SART1: variants seen among roughly 807,000 people sequenced by gnomAD.
The protein encoded by SART1 is U4/U6.U5 tri-snRNP-associated protein 1.
Under a neutral mutation model 105.0 loss-of-function variants are expected in SART1, and 28 were observed. The observed-to-expected ratio is 0.27, with a 90% CI of 0.20 to 0.37. The LOEUF (loss-of-function observed/expected upper bound fraction) is 0.37. SART1 is among the 10% of genes least tolerant of loss of function. SART1 has a pLI of 1.00. For missense variants in SART1, 894 were observed against 1,106.5 expected, an observed-to-expected ratio of 0.81 and a Z score of 2.72; for synonymous variants, 472 against 462.9, an observed-to-expected ratio of 1.02 and a Z score of -0.25.
chr11:65,966,541 C>T lies in SART1; in HGVS notation c.1173C>T (p.Leu391=). The T allele has an allele frequency of 6.5e-7, 1 of 1,545,272 alleles. No homozygotes were observed. The highest frequency in any genetic ancestry group is 1.3e-5 in the South Asian group (1 of 79,668). ...GGCCCCGGCTGGCCTCCGAATACCTCACGCCTGAGGAGATGGTGAGCCCTC... is the reference window on the plus strand; with the variant it reads ...GGCCCCGGCTGGCCTCCGAATACCTTACGCCTGAGGAGATGGTGAGCCCTC... ...TVGPRLASEY[L]TPEEMVTFKK... The change falls in exon 9 of 20, where the codon CTC becomes CTT. Residue 391 remains leucine, a synonymous_variant. Coordinates refer to ENST00000312397, the MANE Select transcript of SART1 (RefSeq NM_005146.5).
rs773465969 is a variant in SART1, at chr11:65,977,773, T to C, written c.2046T>C (p.Asp682=). 25 of 1,613,848 alleles carry C rather than the reference T, an allele frequency of 1.5e-5. No individual in the cohort carries two copies. The highest frequency in any genetic ancestry group is 2.0e-5 in the Non-Finnish European group (24 of 1,179,982). The part of the protein sequence containing the change: ...VYCIEDKMAI[D]DKYSRREEYR... The stretch of plus-strand genomic sequence containing the variant: ...CTCTGTCTCGGGCCAGGGCCATCGA[T>C]GACAAGTACAGCCGGAGGGAGGAAT... Residue 682 remains aspartate (D), a synonymous_variant, in exon 17 of 20, where the codon GAT becomes GAC. Transcript: ENST00000312397.
chr11:65,967,945 GTTTGT>G (rs1384278963), intron 12 of SART1, 124 bp downstream of exon 12: 5 of 763,700 alleles, frequency 6.5e-6, no homozygotes, highest in East Asian at 3.4e-5. Context: ...TGTTTTCTGG[GTTTGT>G]TTTTTTTTTT....
intron 15 of SART1, among the ~76,000 whole-genome samples, chr11:65,977,302 G>A (rs1200215735): frequency 6.6e-6 from 1 of 152,210 alleles, no homozygotes; most frequent in Non-Finnish European, 1.5e-5. Context: ...CCTGCTTGGG[G>A]AAGGAGAGGG....
intron 12 of SART1, among the ~76,000 whole-genome samples, chr11:65,972,675 G>A (rs1565316266): frequency 6.6e-6 from 1 of 151,916 alleles, no homozygotes; most frequent in African/African-American, 2.4e-5. Flanking sequence ...GCTAAGGCAG[G>A]AGGATTGCTT....
At chr11:65,974,799 G>A (rs1855450213) in intron 12 of SART1, among the ~76,000 whole-genome samples, 1 of 152,128 alleles carries the variant, frequency 6.6e-6, no homozygotes, top group Non-Finnish European at 1.5e-5. Flanking sequence ...ACTTTGGGAG[G>A]CCAAGGCAGG....
Position 65,962,654 on chromosome 11 carries a change from G to A in SART1, c.313+561G>A, listed in dbSNP as rs59415516. ...GTAGGGAGCCATGGATGTGAGTTGAGGAGTGAGTTGCTCAGATCCGTATTT... is the reference window on the plus strand; with the variant it reads ...GTAGGGAGCCATGGATGTGAGTTGAAGAGTGAGTTGCTCAGATCCGTATTT... On this transcript the variant is annotated intron_variant, in intron 1 of 19. Transcript: ENST00000312397. 2.8e-3 allele frequency among the ~76,000 whole-genome samples: 430 copies of A among 152,314 alleles called. 2 individuals are homozygous for A. The highest frequency in any genetic ancestry group is 9.4e-3 in the African/African-American group (391 of 41,562).
At chr11:65,972,583 C>A (rs865817584) in intron 12 of SART1, among the ~76,000 whole-genome samples, 1 of 152,072 alleles carries the variant, frequency 6.6e-6, no homozygotes, top group Non-Finnish European at 1.5e-5. Context: ...AGACCACCCC[C>A]CCTACCAACC....
At position 65,978,922 on chromosome 11, in the gene SART1, G is replaced by A. The variant is rs754194384; in HGVS notation, c.2384+8G>A. On this transcript the variant is annotated splice_region_variant and intron_variant, in intron 19 of 19. Coordinates refer to ENST00000312397, the MANE Select transcript of SART1 (RefSeq NM_005146.5). This position sits in a 1 kb window ranked among gnomAD's most constrained non-coding sequence, Gnocchi z 6.8. Reference sequence around the variant, plus strand: ...CGGCAAGAGCATGAACGCGTGAGTGGCTCGAGGCTGGTGGGGTAGGGTGTG... The same window carrying A: ...CGGCAAGAGCATGAACGCGTGAGTGACTCGAGGCTGGTGGGGTAGGGTGTG... The A allele has an allele frequency of 3.1e-6, 5 of 1,613,940 alleles. No individual in the cohort carries two copies. The highest frequency in any genetic ancestry group is 4.2e-6 in the Non-Finnish European group (5 of 1,179,972).
chr11:65,964,013 C>G (rs1428612382), intron 1 of SART1, 61 bp from the exon 2 acceptor site: 1 of 1,518,648 alleles, frequency 6.6e-7, no homozygotes. Flanking sequence ...CAGCTGGAGC[C>G]AACGATGCTG....
intron 12 of SART1, 44 bp downstream of exon 12, chr11:65,967,865 G>A: frequency 7.0e-7 from 1 of 1,434,480 alleles, no homozygotes; most frequent in Non-Finnish European, 9.2e-7. Flanking sequence ...GCAGTCACCT[G>A]TCCTCACGAG....
At position 65,977,619 on chromosome 11, in the gene SART1, C is replaced by T. The variant is rs565925659; in HGVS notation, c.2002C>T (p.Leu668=). 41 of 1,614,066 alleles carry T rather than the reference C, an allele frequency of 2.5e-5. 1 individual carries two copies. In the South Asian group the frequency reaches 4.3e-4, roughly 17 times the overall value. ...VARVKAPNKS[L]PSAVYCIEDK... is the part of the protein sequence containing the mutation. The stretch of plus-strand genomic sequence containing the variant: ...CCGGGTGAAGGCCCCCAACAAGTCG[C>T]TGCCCTCAGCCGTGTACTGCATCGA... Residue 668 remains leucine, a synonymous_variant, in exon 16 of 20, where the codon CTG becomes TTG. Coordinates refer to ENST00000312397, the MANE Select transcript of SART1 (RefSeq NM_005146.5).
intron 1 of SART1, among the ~76,000 whole-genome samples, chr11:65,963,157 C>T (rs1312837022): frequency 6.6e-6 from 1 of 151,786 alleles, no homozygotes; most frequent in South Asian, 2.1e-4. Flanking sequence ...TGAGAAATGC[C>T]CTTATGTTAG....
chr11:65,966,485 C>G lies in SART1; in HGVS notation c.1117C>G (p.Arg373Gly). Residue 373 changes from arginine to glycine, a missense_variant, in exon 9 of 20, where the codon CGG becomes GGG. Coordinates refer to ENST00000312397, the MANE Select transcript of SART1 (RefSeq NM_005146.5). ...GCTGGAGGAGATCCGGGCCAAGCTG[C>G]GGCTGCAGGCTCAGTCCCTGAGCAC... ...RELEEIRAKL[R>G]LQAQSLSTVG... 6.2e-7 allele frequency: 1 copy of G among 1,606,790 alleles called. No individual in the cohort carries two copies. Among genetic ancestry groups the G allele is most frequent in the Non-Finnish European group, 8.5e-7 (1 of 1,176,226 alleles).
rs74833309 is a variant in SART1 at position 65,978,460 on chromosome 11, T to C, written c.2173-140T>C. On this transcript the variant is annotated intron_variant, in intron 17 of 19. Coordinates refer to ENST00000312397, the MANE Select transcript of SART1 (RefSeq NM_005146.5). The surrounding 1 kb of genome is among the most constrained non-coding windows in gnomAD (Gnocchi z 6.8). ...GCAGGGTGCCAGCGTCTGTGCTCTTTTCCCATCCCCTTCCCACTGCACCCC... is the reference window on the plus strand; with the variant it reads ...GCAGGGTGCCAGCGTCTGTGCTCTTCTCCCATCCCCTTCCCACTGCACCCC... 2,774 of 793,938 alleles carry C rather than the reference T, an allele frequency of 3.5e-3. 81 individuals are homozygous for C. The East Asian group carries it at 0.065, about 18-fold the overall frequency. The allele number at this position is 793,938 out of a possible 1,614,324, so 49.2% of individuals were successfully genotyped here. A position where few individuals can be genotyped will look rare whatever the true frequency, so the allele number is the denominator to read the frequency against.
At position 65,967,457 on chromosome 11, in the gene SART1, C is replaced by T; in HGVS notation, c.1314-14C>T. On this transcript the variant is annotated splice_polypyrimidine_tract_variant and intron_variant, in intron 10 of 19. Transcript: ENST00000312397. ...TGGGGACCGGTGCTCACCAGAGAGG[C>T]CTCCTTCCCTCAGACTGCGGGGACG... The T allele has an allele frequency of 2.5e-6, 4 of 1,613,624 alleles. No homozygotes were observed. Among genetic ancestry groups the T allele is most frequent in the Non-Finnish European group, 2.5e-6 (3 of 1,179,878 alleles).
chr11:65,966,169 C>T lies in SART1; in HGVS notation c.932C>T (p.Pro311Leu). The T allele has an allele frequency of 6.2e-7, 1 of 1,614,032 alleles. No homozygotes were observed. The highest frequency in any genetic ancestry group is 2.2e-5 in the East Asian group (1 of 44,880). Residue 311 changes from proline (P) to leucine (L), a missense_variant, in exon 8 of 20, where the codon CCT becomes CTT. Physicochemically the swap from Pro to Leu is moderately conservative, Grantham distance 98. Coordinates refer to ENST00000312397, the MANE Select transcript of SART1 (RefSeq NM_005146.5). ...AATGTGGAGCTGCGGAAGAAGAAGC[C>T]TGACTACCTGCCCTATGCCGAGGAC... is the stretch of plus-strand genomic sequence containing the variant. ...EKNVELRKKK[P>L]DYLPYAEDES...
Position 65,961,918 on chromosome 11 carries a change from C to T in SART1, c.138C>T (p.Gly46=). ...KKHKHRSGGS[G]GSGGERRKRS... ...ACAAGCACCGGAGTGGCGGCAGTGG[C>T]GGTAGCGGTGGCGAACGACGGAAGC... The change falls in exon 1 of 20, where the codon GGC becomes GGT. Residue 46 remains glycine, a synonymous_variant. Coordinates refer to ENST00000312397, the MANE Select transcript of SART1 (RefSeq NM_005146.5). 2.0e-6 allele frequency: 3 copies of T among 1,534,928 alleles called. No individual in the cohort carries two copies. Among genetic ancestry groups the T allele is most frequent in the African/African-American group, 2.8e-5 (2 of 70,262 alleles).
intron 1 of SART1, among the ~76,000 whole-genome samples, chr11:65,963,492 G>A (rs937962930): frequency 6.7e-6 from 1 of 148,572 alleles, no homozygotes; most frequent in Non-Finnish European, 1.5e-5. Flanking sequence ...GTTTTGTTTT[G>A]TTTTTTTGAG....
At chr11:65,965,641 G>A in intron 5 of SART1, 61 bp from the exon 6 acceptor site, 2 of 1,541,242 alleles carry the variant, frequency 1.3e-6, no homozygotes, top group East Asian at 2.3e-5. Flanking sequence ...GTAGAGCCCT[G>A]AGTGTTTTCT....
Sources: allele counts gnomAD v4.1 joint callset (sites outside exome capture counted in the v4.1 genomes callset), GRCh38; gene constraint gnomAD v4.1.1; non-coding constraint Gnocchi (gnomAD v3.1); transcripts MANE v1.5; gene names NCBI Gene and HGNC (gene_info 2026-07-23, HGNC 2026-07-21).